The following EXOC6 variants were observed in gnomAD, a reference collection of about 807,000 sequenced individuals.
The protein encoded by EXOC6 is exocyst complex component 6, also known as SEC15-like 1.
Under a neutral mutation model 112.5 loss-of-function variants are expected in EXOC6, and 60 were observed. The ratio of observed to expected loss-of-function variants is 0.53; its 90% confidence interval spans 0.43 to 0.66. EXOC6 has a LOEUF of 0.66. Among genes scored for constraint, EXOC6 ranks in the 30% least tolerant of loss-of-function variants. The pLI, the probability that EXOC6 is intolerant of heterozygous loss-of-function variation, is 0.00. For synonymous variants in EXOC6, 295 were observed against 308.0 expected (o/e 0.96, Z 0.44); for missense variants, 855 against 957.1 (o/e 0.89, Z 1.41).
At chr10:92,904,285 TG>T (rs1464628424) in intron 5 of EXOC6, among the ~76,000 whole-genome samples, 1 of 152,096 alleles carries the variant, frequency 6.6e-6, no homozygotes. Flanking sequence ...GTTTTATGCA[TG>T]TAAATTTTCA....
intron 18 of EXOC6, among the ~76,000 whole-genome samples, chr10:92,989,623 C>T (rs973868118): frequency 6.6e-6 from 1 of 152,150 alleles, no homozygotes; most frequent in Non-Finnish European, 1.5e-5. Flanking sequence ...AAGACACAGA[C>T]CCTTAGGCTT....
chr10:92,978,039 T>A (rs1229997125), intron 18 of EXOC6, among the ~76,000 whole-genome samples: 1 of 152,212 alleles, frequency 6.6e-6, no homozygotes, highest in African/African-American at 2.4e-5. Context: ...GGAAATAAAT[T>A]TTTATAGACC....
At chr10:93,042,505 A>G (rs912796709) in intron 20 of EXOC6, among the ~76,000 whole-genome samples, 9 of 152,202 alleles carry the variant, frequency 5.9e-5, no homozygotes, top group Non-Finnish European at 1.2e-4. Context: ...TGTGAACACA[A>G]TCTCTTTTAC....
At chr10:92,990,676 A>G (rs918707567) in intron 18 of EXOC6, among the ~76,000 whole-genome samples, 13 of 152,114 alleles carry the variant, frequency 8.5e-5, no homozygotes, top group East Asian at 3.8e-4. Flanking sequence ...GGTTTGTTAT[A>G]TAAGTAAACA....
At chr10:93,004,986 A>G (rs1843910800) in intron 19 of EXOC6, among the ~76,000 whole-genome samples, 1 of 151,622 alleles carries the variant, frequency 6.6e-6, no homozygotes, top group Admixed American at 6.6e-5. Flanking sequence ...TGGGGCTTTG[A>G]AGTCATATAT....
At chr10:93,007,961 G>C (rs796518689) in intron 19 of EXOC6, among the ~76,000 whole-genome samples, 6 of 152,280 alleles carry the variant, frequency 3.9e-5, no homozygotes, top group African/African-American at 1.4e-4. Context: ...ATCACCTGAG[G>C]TCAGGAGTTT....
At chr10:92,998,628 C>CCACACA (rs55823754) in intron 19 of EXOC6, among the ~76,000 whole-genome samples, 6,785 of 141,348 alleles carry the variant, frequency 0.048, 191 homozygotes, top group East Asian at 0.086. Context: ...CTGTTGCACA[C>CCACACA]CACACACACA....
chr10:93,043,508 A>G (rs1041002613), intron 20 of EXOC6, among the ~76,000 whole-genome samples: 13 of 152,216 alleles, frequency 8.5e-5, no homozygotes, highest in African/African-American at 3.1e-4. Flanking sequence ...GCACTGGGCC[A>G]GGCACTGTTT....
At chr10:92,921,919 A>G (rs1262244780) in intron 8 of EXOC6, among the ~76,000 whole-genome samples, 1 of 151,968 alleles carries the variant, frequency 6.6e-6, no homozygotes, top group African/African-American at 2.4e-5. Flanking sequence ...GCTGGTATAT[A>G]TAACCAAAAA....
At chr10:93,047,623 G>T (rs1846060274) in intron 20 of EXOC6, among the ~76,000 whole-genome samples, 1 of 151,466 alleles carries the variant, frequency 6.6e-6, no homozygotes, top group Admixed American at 6.6e-5. Flanking sequence ...AGTTAAATTG[G>T]TACTATTTGT....
At chr10:92,967,324 T>C (rs1169202438) in intron 17 of EXOC6, among the ~76,000 whole-genome samples, 1 of 152,094 alleles carries the variant, frequency 6.6e-6, no homozygotes, top group Non-Finnish European at 1.5e-5. Context: ...CATTTAAAAT[T>C]TTCTTCTTTC....
intron 14 of EXOC6, 63 bp downstream of exon 14, chr10:92,948,442 A>T: frequency 1.1e-6 from 1 of 916,142 alleles, no homozygotes; most frequent in Admixed American, 2.9e-5. Context: ...TTGTTACTAC[A>T]TAATATTAAA....
intron 1 of EXOC6, among the ~76,000 whole-genome samples, chr10:92,882,483 G>T (rs1474815283): frequency 6.7e-6 from 1 of 148,570 alleles, no homozygotes; most frequent in Non-Finnish European, 1.5e-5. Flanking sequence ...GGCAGAGGTT[G>T]CAGTGAGCCA....
intron 4 of EXOC6, among the ~76,000 whole-genome samples, chr10:92,898,811 G>A (rs1303870972): frequency 6.6e-6 from 1 of 152,098 alleles, no homozygotes; most frequent in Non-Finnish European, 1.5e-5. Flanking sequence ...GAGACCCCTA[G>A]GAGGAGTCAT....
intron 1 of EXOC6, among the ~76,000 whole-genome samples, chr10:92,828,686 G>A: frequency 2.8e-5 from 1 of 36,232 alleles, no homozygotes; most frequent in African/African-American, 8.5e-5. Flanking sequence ...TGAGTTTTGT[G>A]TGTCTGTGTG....
At position 92,893,391 on chromosome 10, in the gene EXOC6, G is replaced by A. The variant is rs1045170377; in HGVS notation, c.144G>A (p.Met48Ile). The A allele has an allele frequency of 6.2e-7, 1 of 1,612,320 alleles. No individual in the cohort carries two copies. The change falls in exon 2 of 22, where the codon ATG becomes ATA. Residue 48 changes from methionine to isoleucine, a missense_variant. This residue lies in a region of EXOC6 where 405 missense variants were observed against 393.6 expected (regional missense o/e 1.03). Transcript: ENST00000260762. Reference sequence around the variant, plus strand: ...AACCAAATGCGCACAAGAAGTTTATGGAAAAGTTAGATGCTTGTATCCGTA... The same window carrying A: ...AACCAAATGCGCACAAGAAGTTTATAGAAAAGTTAGATGCTTGTATCCGTA... ...DDQPNAHKKF[M>I]EKLDACIRNH...
intron 19 of EXOC6, among the ~76,000 whole-genome samples, chr10:93,010,783 C>T (rs544909672): frequency 6.6e-6 from 1 of 151,408 alleles, no homozygotes; most frequent in African/African-American, 2.4e-5. Context: ...AAGAGGTTGT[C>T]TCTTTCAGTT....
At chr10:92,856,334 A>G (rs559124129) in intron 1 of EXOC6, among the ~76,000 whole-genome samples, 1 of 152,066 alleles carries the variant, frequency 6.6e-6, no homozygotes, top group South Asian at 2.1e-4. Context: ...ATTGGTTTTT[A>G]CAGCTATAAA....
intron 9 of EXOC6, among the ~76,000 whole-genome samples, chr10:92,932,778 A>G (rs544996202): frequency 5.6e-4 from 86 of 152,324 alleles, no homozygotes; most frequent in Non-Finnish European, 9.1e-4. Flanking sequence ...GTAAATCTAA[A>G]ATGACTGTAG....
Sources: allele counts gnomAD v4.1 joint callset (sites outside exome capture counted in the v4.1 genomes callset), GRCh38; gene constraint gnomAD v4.1.1; regional missense constraint gnomAD v4.1.1; transcripts MANE v1.5; gene names NCBI Gene and HGNC (gene_info 2026-07-23, HGNC 2026-07-21).